CAST: variants seen among roughly 807,000 people sequenced by gnomAD.
The protein encoded by CAST is calpastatin.
CAST carries 76 observed loss-of-function variants against 119.6 expected under a neutral mutation model. The ratio of observed to expected loss-of-function variants is 0.64; its 90% CI spans 0.53 to 0.77. The LOEUF is 0.77. Ranked by LOEUF, CAST falls within the 30% of genes least tolerant of loss-of-function variation. The pLI is 0.00. For missense variants in CAST, 953 were observed against 946.5 expected (o/e 1.01, Z -0.09); for synonymous variants, 319 against 331.6 (o/e 0.96, Z 0.41).
chr5:96,159,157 T>C, the CAST span, among the ~76,000 whole-genome samples: 1 of 152,332 alleles, frequency 6.6e-6, no homozygotes, highest in East Asian at 1.9e-4. Flanking sequence ...AAAATGCTAA[T>C]GAAATGCTCA....
At chr5:96,246,453 G>A in the CAST span, among the ~76,000 whole-genome samples, 1 of 152,076 alleles carries the variant, frequency 6.6e-6, no homozygotes, top group Non-Finnish European at 1.5e-5. Context: ...CAGAGTGCTG[G>A]GATTACAGGC....
the CAST span, among the ~76,000 whole-genome samples, chr5:96,451,699 A>G: frequency 6.6e-6 from 1 of 152,246 alleles, no homozygotes; most frequent in Non-Finnish European, 1.5e-5. Flanking sequence ...CATCAGAGTG[A>G]ACAGGCAACC....
At chr5:96,418,462 T>C in the CAST span, among the ~76,000 whole-genome samples, 1 of 152,224 alleles carries the variant, frequency 6.6e-6, no homozygotes, top group South Asian at 2.1e-4. Context: ...AATACAGATT[T>C]ATGCCAGCTT....
chr5:96,461,415 T>A, the CAST span, among the ~76,000 whole-genome samples: 1 of 152,146 alleles, frequency 6.6e-6, no homozygotes, highest in African/African-American at 2.4e-5. Context: ...TATATTTAAC[T>A]TTTTGAGGAA....
At chr5:96,426,491 A>G in the CAST span, among the ~76,000 whole-genome samples, 1 of 152,170 alleles carries the variant, frequency 6.6e-6, no homozygotes, top group Non-Finnish European at 1.5e-5. Context: ...TATGAGACAC[A>G]GATCCTGGGT....
the CAST span, among the ~76,000 whole-genome samples, chr5:96,085,130 G>A: frequency 1.8e-4 from 27 of 152,082 alleles, 1 homozygote; most frequent in African/African-American, 6.3e-4. Context: ...TTCTAACACA[G>A]TCTGATTGAA....
intron 25 of CAST, among the ~76,000 whole-genome samples, chr5:96,763,976 C>G (rs544981789): frequency 1.1e-4 from 16 of 146,988 alleles, no homozygotes; most frequent in African/African-American, 3.2e-4. Flanking sequence ...AAAAAAAAAG[C>G]CTGCTTAGTT....
chr5:96,764,986 G>A (rs968400194), intron 25 of CAST, among the ~76,000 whole-genome samples: 4 of 152,050 alleles, frequency 2.6e-5, no homozygotes, highest in Admixed American at 6.6e-5. Context: ...GCAGGGTTGG[G>A]TGGAAGGTGC....
the CAST span, among the ~76,000 whole-genome samples, chr5:96,231,337 G>A: frequency 2.2e-4 from 34 of 152,234 alleles, no homozygotes; most frequent in Non-Finnish European, 4.1e-4. Context: ...GCTACAACAT[G>A]GATGAACCTA....
chr5:96,717,971 G>A (rs910017544), intron 3 of CAST, among the ~76,000 whole-genome samples: 1 of 152,276 alleles, frequency 6.6e-6, no homozygotes, highest in South Asian at 2.1e-4. Context: ...ATTAAAAGGG[G>A]GTTTCTATCC....
At chr5:96,104,543 G>A in the CAST span, among the ~76,000 whole-genome samples, 1 of 152,040 alleles carries the variant, frequency 6.6e-6, no homozygotes, top group Non-Finnish European at 1.5e-5. Flanking sequence ...TCAGATAGTT[G>A]CAGATATGCG....
At chr5:96,369,889 G>A in the CAST span, among the ~76,000 whole-genome samples, 2 of 152,036 alleles carry the variant, frequency 1.3e-5, no homozygotes, top group Non-Finnish European at 2.9e-5. Flanking sequence ...ATAATAACAA[G>A]TTTTATTTTT....
chr5:96,502,664 C>CTTTCTTTCT, the CAST span, among the ~76,000 whole-genome samples: 1 of 145,812 alleles, frequency 6.9e-6, no homozygotes, highest in Non-Finnish European at 1.5e-5. Context: ...TTCTTTCTTT[C>CTTTCTTTCT]TTCTATCCAT....
At chr5:96,393,082 A>T in the CAST span, 1 of 1,614,134 alleles carries the variant, frequency 6.2e-7, no homozygotes, top group East Asian at 2.2e-5. Context: ...TGTTATAAAA[A>T]ACATCAACAT....
chr5:96,708,897 C>A (rs1561501186), intron 3 of CAST, among the ~76,000 whole-genome samples: 1 of 152,214 alleles, frequency 6.6e-6, no homozygotes, highest in Non-Finnish European at 1.5e-5. Context: ...CAATGACTCT[C>A]CCGCATGCTA....
At chr5:96,045,366 A>AG in the CAST span, among the ~76,000 whole-genome samples, 1 of 151,872 alleles carries the variant, frequency 6.6e-6, no homozygotes, top group African/African-American at 2.4e-5. Context: ...GAAAAAAAAA[A>AG]AAAAGAAAAG....
At chr5:96,184,425 C>G in the CAST span, among the ~76,000 whole-genome samples, 2 of 152,136 alleles carry the variant, frequency 1.3e-5, no homozygotes, top group Admixed American at 6.5e-5. Flanking sequence ...TAAGTTCGTG[C>G]CACGGTGGTT....
the CAST span, chr5:96,410,965 T>G: frequency 1.9e-6 from 3 of 1,613,526 alleles, no homozygotes; most frequent in Non-Finnish European, 2.5e-6. Context: ...CAGACGAAGA[T>G]GGACCCCTTC....
chr5:96,569,902 G>A (rs890576901), intron 1 of CAST, among the ~76,000 whole-genome samples: 2 of 152,186 alleles, frequency 1.3e-5, no homozygotes, highest in Admixed American at 6.5e-5. Context: ...TTCGGCAGGG[G>A]TTTAACATTG....
Sources: gnomAD v4.1 joint callset for allele counts (sites outside exome capture counted in the v4.1 genomes callset) on GRCh38, gnomAD v4.1.1 for gene constraint, MANE v1.5 for transcripts, NCBI Gene and HGNC (gene_info 2026-07-23, HGNC 2026-07-21) for gene names.